The following PPP1R13B variants were observed in gnomAD, a reference collection of about 807,000 sequenced individuals.
PPP1R13B encodes protein phosphatase 1 regulatory subunit 13B.
PPP1R13B carries 44 observed loss-of-function variants against 119.8 expected under a neutral mutation model. The observed-to-expected ratio is 0.37, with a 90% CI of 0.29 to 0.47. The LOEUF is 0.47. Ranked by LOEUF, PPP1R13B falls within the 20% of genes least tolerant of loss-of-function variation. PPP1R13B has a pLI of 0.99. For missense variants in PPP1R13B, 1,227 were observed against 1,413.5 expected, an observed-to-expected ratio of 0.87 and a Z score of 2.12; for synonymous variants, 542 against 561.5, an observed-to-expected ratio of 0.97 and a Z score of 0.49.
At chr14:103,805,089 G>A (rs138232487) in intron 1 of PPP1R13B, among the ~76,000 whole-genome samples, 42 of 152,032 alleles carry the variant, frequency 2.8e-4, no homozygotes, top group Non-Finnish European at 5.9e-5. Flanking sequence ...TGCCCACCTC[G>A]GCCTCTCAAA....
intron 1 of PPP1R13B, among the ~76,000 whole-genome samples, chr14:103,843,993 G>A (rs1210787647): frequency 6.6e-6 from 1 of 151,762 alleles, no homozygotes; most frequent in East Asian, 1.9e-4. Context: ...CAGGGGCAGA[G>A]GGGTGGCTCA....
chr14:103,761,542 T>C (rs2084805424), intron 4 of PPP1R13B, among the ~76,000 whole-genome samples: 2 of 151,884 alleles, frequency 1.3e-5, no homozygotes, highest in Admixed American at 1.3e-4. Flanking sequence ...GGTGGGCGGA[T>C]CACGAGGTCA....
chr14:103,743,361 G>A (rs535573550), intron 9 of PPP1R13B, among the ~76,000 whole-genome samples: 39 of 152,344 alleles, frequency 2.6e-4, no homozygotes, highest in Admixed American at 2.0e-3. Flanking sequence ...ACTGATTTGC[G>A]TAGCAGGAGG....
rs527273649 is a variant in PPP1R13B, at chr14:103,767,240, G to A, written c.355-9489C>T. 2.6e-5 allele frequency among the ~76,000 whole-genome samples: 4 copies of A among 152,226 alleles called. No individual in the cohort carries two copies. In the South Asian group the frequency reaches 6.2e-4, roughly 24 times the overall value. ...TGAGGTGAGAGGACTGCTTGAGCCC[G>A]GGGTTCCAAGCTGCAGTGAACTATG... is the stretch of plus-strand genomic sequence containing the variant. On this transcript the variant is annotated intron_variant, in intron 4 of 16. Coordinates refer to ENST00000202556, the MANE Select transcript of PPP1R13B (RefSeq NM_015316.3).
chr14:103,735,962 C>T (rs757365655), intron 16 of PPP1R13B, 41 bp downstream of exon 16: 1 of 1,604,404 alleles, frequency 6.2e-7, no homozygotes, highest in Non-Finnish European at 8.5e-7. Context: ...TGTACAGAGA[C>T]ACGGGCAGCT....
intron 1 of PPP1R13B, 97 bp downstream of exon 1, chr14:103,847,202 G>A: frequency 2.9e-6 from 3 of 1,031,422 alleles, no homozygotes; most frequent in Non-Finnish European, 2.3e-6. Context: ...GCCCGGCCTC[G>A]CACCGGCCCG....
In PPP1R13B at chr14:103,737,787, T is replaced by G; in HGVS notation, c.2938A>C (p.Ile980Leu). 6.2e-7 allele frequency: 1 copy of G among 1,614,162 alleles called. No homozygotes were observed. Among genetic ancestry groups the G allele is most frequent in the Non-Finnish European group, 8.5e-7 (1 of 1,180,018 alleles). Residue 980 changes from isoleucine (I) to leucine (L), a missense_variant, in exon 15 of 17, where the codon ATT becomes CTT. Coordinates refer to ENST00000202556, the MANE Select transcript of PPP1R13B (RefSeq NM_015316.3). ...ATGTCGCTTATGGTTGAGGCAAAAA[T>G]GGCGGCACCACTCTCCACCAGCTGT... ...CKQLVESGAA[I>L]FASTISDIET...
intron 5 of PPP1R13B, among the ~76,000 whole-genome samples, chr14:103,757,134 C>T (rs1410317807): frequency 6.6e-6 from 1 of 151,334 alleles, no homozygotes; most frequent in African/African-American, 2.4e-5. Flanking sequence ...ATGATCTTGG[C>T]TCACTGCAAC....
At position 103,742,658 on chromosome 14, in the gene PPP1R13B, T is replaced by G. The variant is rs766892990; in HGVS notation, c.1316A>C (p.Lys439Thr). Reference protein sequence around the residue: ...VPFSALGPTEKPGIEIGKVPP... With the variant: ...VPFSALGPTETPGIEIGKVPP... ...GTGGTAAAGACACAGGCCTACCGGCTTCTCCGTGGGTCCCAGTGCTGAGAA... is the reference window on the plus strand; with the variant it reads ...GTGGTAAAGACACAGGCCTACCGGCGTCTCCGTGGGTCCCAGTGCTGAGAA... The change falls in exon 10 of 17, where the codon AAG becomes ACG. Residue 439 changes from lysine (K) to threonine (T), a missense_variant. Lys to Thr is a moderately conservative substitution (Grantham distance 78). Transcript: ENST00000202556. This position sits in a 1 kb window ranked among gnomAD's most constrained non-coding sequence, Gnocchi z 4.9. 2 of 1,613,664 alleles carry G rather than the reference T, an allele frequency of 1.2e-6. No individual in the cohort carries two copies. The highest frequency in any genetic ancestry group is 1.7e-6 in the Non-Finnish European group (2 of 1,179,936).
At chr14:103,749,476 T>C (rs1375503249) in intron 8 of PPP1R13B, among the ~76,000 whole-genome samples, 1 of 151,970 alleles carries the variant, frequency 6.6e-6, no homozygotes, top group East Asian at 1.9e-4. Context: ...AATGGCAGAG[T>C]GCGGACCGTG....
At position 103,778,734 on chromosome 14, in the gene PPP1R13B, C is replaced by T. The variant is rs149157934; in HGVS notation, c.354+11G>A. On this transcript the variant is annotated intron_variant, in intron 4 of 16. Coordinates refer to ENST00000202556, the MANE Select transcript of PPP1R13B (RefSeq NM_015316.3). ...AATTTTTAAAATTCAATTTAATTCA[C>T]TGTCACTTACCCCATTTTCAGTACG... 2,453 of 1,605,424 alleles carry T rather than the reference C, an allele frequency of 1.5e-3. 34 individuals carry two copies. The African/African-American group carries it at 0.029, about 19-fold the overall frequency.
At chr14:103,847,048 C>T (rs914211655) in intron 1 of PPP1R13B, 25 of 1,034,548 alleles carry the variant, frequency 2.4e-5, no homozygotes, top group Middle Eastern at 4.8e-4. Flanking sequence ...AATGCATCTG[C>T]TTCTCCCCGC....
At chr14:103,763,222 T>C (rs1196617183) in intron 4 of PPP1R13B, 1 of 553,050 alleles carries the variant, frequency 1.8e-6, no homozygotes, top group African/African-American at 1.9e-5. Context: ...GGTTGAAAGG[T>C]TGACTTGGAA....
At chr14:103,783,668 C>G (rs751272989) in intron 3 of PPP1R13B, among the ~76,000 whole-genome samples, 1 of 152,162 alleles carries the variant, frequency 6.6e-6, no homozygotes, top group African/African-American at 2.4e-5. Context: ...CCTCCCACCT[C>G]AGCCTCCCAA....
At position 103,741,928 on chromosome 14, in the gene PPP1R13B, A is replaced by C. The variant is rs780811665; in HGVS notation, c.1684T>G (p.Ser562Ala). 34 of 1,613,908 alleles carry C rather than the reference A, an allele frequency of 2.1e-5. No individual in the cohort carries two copies. Among genetic ancestry groups the C allele is most frequent in the Non-Finnish European group, 2.7e-5 (32 of 1,180,016 alleles). The change falls in exon 11 of 17, where the codon TCA (serine) becomes GCA (alanine). Residue 562 changes from serine (S) to alanine (A), a missense_variant. Physicochemically the swap from Ser to Ala is moderately conservative, Grantham distance 99 (BLOSUM62 1). Transcript: ENST00000202556. ...AIRPFLADKG[S>A]RPQSPRKGPQ... ...CCTTTCCTGGGAGACTGTGGCCTTG[A>C]CCCTTTATCAGCCAGGAAAGGCCTA...
intron 1 of PPP1R13B, among the ~76,000 whole-genome samples, chr14:103,835,923 T>C (rs1469293026): frequency 6.6e-6 from 1 of 151,630 alleles, no homozygotes; most frequent in Non-Finnish European, 1.5e-5. Flanking sequence ...TTTTTTTTAA[T>C]ATAGACAGGG....
intron 1 of PPP1R13B, among the ~76,000 whole-genome samples, chr14:103,808,364 A>T (rs2086067838): frequency 6.6e-6 from 1 of 152,178 alleles, no homozygotes; most frequent in South Asian, 2.1e-4. Context: ...GGGTGTCCCA[A>T]CTTTGGGCTT....
intron 1 of PPP1R13B, among the ~76,000 whole-genome samples, chr14:103,833,130 A>C (rs2086696992): frequency 6.6e-6 from 1 of 152,214 alleles, no homozygotes; most frequent in Admixed American, 6.5e-5. Flanking sequence ...AAATGGCTAA[A>C]ATGGTAACTC....
At chr14:103,794,792 T>C in intron 2 of PPP1R13B, 1 of 281,390 alleles carries the variant, frequency 3.6e-6, no homozygotes, top group South Asian at 3.3e-5. Flanking sequence ...AGATCCAGCT[T>C]CGTTGGCCAT....
Sources: allele counts gnomAD v4.1 joint callset (sites outside exome capture counted in the v4.1 genomes callset), GRCh38; gene constraint gnomAD v4.1.1; non-coding constraint Gnocchi (gnomAD v3.1); transcripts MANE v1.5; gene names NCBI Gene and HGNC (gene_info 2026-07-23, HGNC 2026-07-21).